CEMIP: variants seen among roughly 807,000 people sequenced by gnomAD.
CEMIP encodes the protein cell migration inducing hyaluronidase 1.
A neutral mutation model predicts 156.9 loss-of-function variants in CEMIP; 105 were observed. The observed-to-expected ratio is 0.67, with a 90% CI of 0.57 to 0.79. The LOEUF (loss-of-function observed/expected upper bound fraction) is 0.79. CEMIP is among the 30% of genes least tolerant of loss of function. The probability of loss-of-function intolerance (pLI) is 0.00; values close to 1 mark genes in which losing one functional copy is unlikely to be tolerated. For synonymous variants in CEMIP, 676 were observed against 668.4 expected, an observed-to-expected ratio of 1.01 and a Z score of -0.17; for missense variants, 1,457 against 1,769.4, an observed-to-expected ratio of 0.82 and a Z score of 3.17.
chr15:80,812,230 A>C (rs750276633), intron 1 of CEMIP, among the ~76,000 whole-genome samples: 1 of 152,222 alleles, frequency 6.6e-6, no homozygotes, highest in African/African-American at 2.4e-5. Context: ...CAAACCTCTC[A>C]TGAGCATATT....
At chr15:80,896,318 T>C (rs1229348274) in intron 12 of CEMIP, 1 of 641,686 alleles carries the variant, frequency 1.6e-6, no homozygotes, top group South Asian at 1.5e-5. Context: ...ATGACTCCCA[T>C]TCTTCCCAAA....
intron 1 of CEMIP, among the ~76,000 whole-genome samples, chr15:80,805,157 G>C (rs559983274): frequency 1.7e-4 from 26 of 152,258 alleles, no homozygotes; most frequent in African/African-American, 6.0e-4. Flanking sequence ...AACAAGCTTT[G>C]TGCACTGATA....
At chr15:80,868,817 G>A (rs777307347) in intron 1 of CEMIP, among the ~76,000 whole-genome samples, 10 of 152,148 alleles carry the variant, frequency 6.6e-5, no homozygotes, top group Non-Finnish European at 1.5e-4. Context: ...GCATAAAGCA[G>A]TGCCTCGCAC....
Position 80,896,043 on chromosome 15 carries a change from A to G in CEMIP, c.1394A>G (p.Asn465Ser). The change falls in exon 12 of 30, where the codon AAC (asparagine) becomes AGC (serine). Residue 465 changes from asparagine (N) to serine (S), a missense_variant. Transcript: ENST00000394685. ...CTTCCCTGCAGATCCTGCGCCCCCAACCAGGTCAAAGTGGCAGGTAGGACT... is the reference window on the plus strand; with the variant it reads ...CTTCCCTGCAGATCCTGCGCCCCCAGCCAGGTCAAAGTGGCAGGTAGGACT... ...QVLPCRSCAP[N>S]QVKVAGKPMY... 6.2e-7 allele frequency: 1 copy of G among 1,614,024 alleles called. No individual in the cohort carries two copies. Among genetic ancestry groups the G allele is most frequent in the South Asian group, 1.1e-5 (1 of 91,076 alleles).
chr15:80,916,261 C>T (rs537480392), intron 14 of CEMIP, among the ~76,000 whole-genome samples: 39 of 152,348 alleles, frequency 2.6e-4, no homozygotes, highest in African/African-American at 6.5e-4. Context: ...CACCCTCCCC[C>T]GCCACTGAAG....
At chr15:80,879,991 T>C in intron 5 of CEMIP, 137 bp downstream of exon 5, 1 of 979,544 alleles carries the variant, frequency 1.0e-6, no homozygotes, top group Non-Finnish European at 1.6e-6. Context: ...ATGGGGATCA[T>C]GAACAAGACA....
chr15:80,812,837 C>T (rs2141630279), intron 1 of CEMIP, among the ~76,000 whole-genome samples: 1 of 152,234 alleles, frequency 6.6e-6, no homozygotes, highest in East Asian at 1.9e-4. Context: ...AAACACTTAG[C>T]GTAGGCTGGG....
intron 6 of CEMIP, among the ~76,000 whole-genome samples, chr15:80,883,049 G>A (rs572337039): frequency 6.6e-6 from 1 of 152,276 alleles, no homozygotes; most frequent in Admixed American, 6.5e-5. Context: ...TTGGAAACAA[G>A]TGTGAGGACC....
At chr15:80,835,056 T>C (rs183281443) in intron 1 of CEMIP, among the ~76,000 whole-genome samples, 9 of 151,346 alleles carry the variant, frequency 5.9e-5, no homozygotes, top group Non-Finnish European at 1.3e-4. Context: ...TTTCTTGGAC[T>C]AAAAACTATT....
At chr15:80,839,582 C>T (rs1263108983) in intron 1 of CEMIP, among the ~76,000 whole-genome samples, 1 of 152,094 alleles carries the variant, frequency 6.6e-6, no homozygotes, top group Non-Finnish European at 1.5e-5. Context: ...GGGCCCTGTG[C>T]AGTGGGAAAA....
intron 1 of CEMIP, among the ~76,000 whole-genome samples, chr15:80,830,339 T>C (rs114832871): frequency 0.022 from 3,422 of 152,344 alleles, 87 homozygotes; most frequent in African/African-American, 0.064. Flanking sequence ...ACTGTGAGCA[T>C]GATTCCTGTA....
chr15:80,802,312 G>A (rs1217966401), intron 1 of CEMIP, among the ~76,000 whole-genome samples: 1 of 152,258 alleles, frequency 6.6e-6, no homozygotes, highest in East Asian at 1.9e-4. Flanking sequence ...CCTGAAGCCT[G>A]GCTTAAGCCA....
chr15:80,947,298 A>AAAG (rs1431191030), intron 29 of CEMIP: 1 of 509,126 alleles, frequency 2.0e-6, no homozygotes, highest in African/African-American at 1.9e-5. Context: ...CCAGCCACTG[A>AAAG]AAGAAAATTG....
At chr15:80,851,785 G>A (rs1172412004) in intron 1 of CEMIP, among the ~76,000 whole-genome samples, 14 of 152,194 alleles carry the variant, frequency 9.2e-5, no homozygotes, top group Non-Finnish European at 2.9e-5. Context: ...GAGAACAGGT[G>A]AGGTTGAGTA....
intron 1 of CEMIP, among the ~76,000 whole-genome samples, chr15:80,819,207 C>T (rs897288259): frequency 1.3e-5 from 2 of 152,196 alleles, no homozygotes; most frequent in African/African-American, 2.4e-5. Flanking sequence ...TTATATAATT[C>T]TTCAACTGGC....
intron 1 of CEMIP, among the ~76,000 whole-genome samples, chr15:80,794,630 G>A (rs1033192833): frequency 1.3e-5 from 2 of 152,170 alleles, no homozygotes; most frequent in East Asian, 1.9e-4. Context: ...AAAGTAATGA[G>A]ATTGTTTACA....
At chr15:80,867,855 T>C (rs1177726564) in intron 1 of CEMIP, among the ~76,000 whole-genome samples, 1 of 152,074 alleles carries the variant, frequency 6.6e-6, no homozygotes, top group Non-Finnish European at 1.5e-5. Flanking sequence ...AAGTGGCAGA[T>C]GGAGGCGGTG....
At chr15:80,908,166 G>A (rs1019827513) in intron 13 of CEMIP, among the ~76,000 whole-genome samples, 3 of 152,178 alleles carry the variant, frequency 2.0e-5, no homozygotes, top group African/African-American at 7.2e-5. Flanking sequence ...CCTCAGTTGA[G>A]AAACTCATTA....
chr15:80,938,226 G>GA (rs11292269), intron 25 of CEMIP: 16,610 of 372,380 alleles, frequency 0.045, no homozygotes, highest in South Asian at 0.067. Context: ...ACATATTTCA[G>GA]AAAAAAAAAA....
Sources: allele counts gnomAD v4.1 joint callset (sites outside exome capture counted in the v4.1 genomes callset), GRCh38; gene constraint gnomAD v4.1.1; transcripts MANE v1.5; gene names NCBI Gene and HGNC (gene_info 2026-07-23, HGNC 2026-07-21).